Variants in SCMH1 observed in about 807,000 individuals in gnomAD.
SCMH1 encodes Scm polycomb group protein homolog 1.
Under a neutral mutation model 70.8 loss-of-function variants are expected in SCMH1, and 37 were observed. That is an observed-to-expected ratio of 0.52 (90% CI 0.40 to 0.69). The LOEUF is 0.69. Among genes scored for constraint, SCMH1 ranks in the 30% least tolerant of loss-of-function variants. The pLI is 0.00. For missense variants in SCMH1, 607 were observed against 827.3 expected (o/e 0.73, Z 3.27); for synonymous variants, 292 against 307.4 (o/e 0.95, Z 0.52).
intron 7 of SCMH1, among the ~76,000 whole-genome samples, chr1:41,115,726 G>A (rs1288915664): frequency 5.3e-5 from 8 of 152,162 alleles, no homozygotes; most frequent in African/African-American, 1.7e-4. Flanking sequence ...CGTGATTTCC[G>A]TATAGTTTAT....
At chr1:41,161,416 A>T in exon 3 of SCMH1, 1 of 1,550,606 alleles carries the variant, frequency 6.4e-7, no homozygotes, top group Non-Finnish European at 8.7e-7. Flanking sequence ...GTTTTCTAAC[A>T]TCACTCCAGT....
At chr1:41,157,066 C>T (rs115494111) in intron 4 of SCMH1, among the ~76,000 whole-genome samples, 244 of 151,436 alleles carry the variant, frequency 1.6e-3, no homozygotes, top group Non-Finnish European at 2.4e-3. Context: ...CAACCCTCCC[C>T]GCTCAGTCTC....
At chr1:41,178,561 C>CA (rs778281619) in intron 2 of SCMH1, among the ~76,000 whole-genome samples, 1 of 151,708 alleles carries the variant, frequency 6.6e-6, no homozygotes, top group South Asian at 2.1e-4. Context: ...AAATGAAAAA[C>CA]AAAAAAAGGC....
intron 1 of SCMH1, among the ~76,000 whole-genome samples, chr1:41,219,926 G>T (rs111578964): frequency 6.9e-6 from 1 of 145,298 alleles, no homozygotes; most frequent in East Asian, 2.0e-4. Context: ...GCAAGACTCC[G>T]TCTCACAAAA....
chr1:41,028,429 A>G (rs1382860014), intron 14 of SCMH1, 110 bp from the exon 16 acceptor site: 3 of 1,521,744 alleles, frequency 2.0e-6, no homozygotes, highest in South Asian at 2.5e-5. Context: ...TGCCCGCCAC[A>G]TGGAGTCCAG....
At chr1:41,177,380 G>T (rs200771191) in intron 2 of SCMH1, among the ~76,000 whole-genome samples, 1 of 151,534 alleles carries the variant, frequency 6.6e-6, no homozygotes, top group Non-Finnish European at 1.5e-5. Flanking sequence ...ATGGAACAAA[G>T]CTGGACAGAG....
At chr1:41,058,668 C>T (rs1651479817) in intron 10 of SCMH1, among the ~76,000 whole-genome samples, 1 of 152,100 alleles carries the variant, frequency 6.6e-6, no homozygotes, top group African/African-American at 2.4e-5. Flanking sequence ...GTGTGAGCCA[C>T]CATGCTCGGC....
intron 6 of SCMH1, among the ~76,000 whole-genome samples, chr1:41,123,979 A>G (rs1672555120): frequency 6.6e-6 from 1 of 152,228 alleles, no homozygotes; most frequent in Non-Finnish European, 1.5e-5. Flanking sequence ...CTTCTGATTC[A>G]GCAACTCTAG....
At chr1:41,208,178 A>G (rs1656029483) in intron 1 of SCMH1, among the ~76,000 whole-genome samples, 1 of 112,450 alleles carries the variant, frequency 8.9e-6, no homozygotes, top group Non-Finnish European at 1.8e-5. Flanking sequence ...TCGCAAGAAC[A>G]AAAAACCAAA....
Position 41,090,944 on chromosome 1 carries a change from C to T in SCMH1, c.746-15493G>A, listed in dbSNP as rs1296034667. Among the ~76,000 whole-genome samples, 7 of 150,522 alleles carry T rather than the reference C, an allele frequency of 4.7e-5. No homozygotes were observed. The East Asian group carries it at 1.4e-3, about 29-fold the overall frequency. ...GTCGCAGCTACTTGGGAGGCTGAGGCAGGAGAATGGTGTGAACCTGGGAGG... is the reference window on the plus strand; with the variant it reads ...GTCGCAGCTACTTGGGAGGCTGAGGTAGGAGAATGGTGTGAACCTGGGAGG... On this transcript the variant is annotated intron_variant, in intron 8 of 14. Coordinates refer to ENST00000337495, the Ensembl canonical transcript of SCMH1.
chr1:41,240,319 T>C (rs1418452598), intron 1 of SCMH1, among the ~76,000 whole-genome samples: 1 of 152,224 alleles, frequency 6.6e-6, no homozygotes, highest in Non-Finnish European at 1.5e-5. Context: ...GCCTTTTATC[T>C]ACAAGGCCAT....
At chr1:41,225,960 G>A (rs1660199903) in intron 1 of SCMH1, among the ~76,000 whole-genome samples, 1 of 152,174 alleles carries the variant, frequency 6.6e-6, no homozygotes. Flanking sequence ...TGAAAGGGGA[G>A]CAAGGAGGCA....
intron 2 of SCMH1, among the ~76,000 whole-genome samples, chr1:41,179,688 C>G (rs1648127399): frequency 6.6e-6 from 1 of 152,140 alleles, no homozygotes; most frequent in African/African-American, 2.4e-5. Flanking sequence ...TCTGAATAGA[C>G]CAATAACAGG....
intron 1 of SCMH1, among the ~76,000 whole-genome samples, chr1:41,240,092 A>C (rs1221810858): frequency 6.6e-6 from 1 of 152,246 alleles, no homozygotes; most frequent in African/African-American, 2.4e-5. Context: ...ATGTTTACCC[A>C]ACTTACATAA....
chr1:41,083,715 A>C (rs1212697071), intron 8 of SCMH1, among the ~76,000 whole-genome samples: 1 of 152,190 alleles, frequency 6.6e-6, no homozygotes, highest in Non-Finnish European at 1.5e-5. Context: ...ACGCTACCTG[A>C]CTTCAAACAA....
chr1:41,233,634 C>T (rs1371214638), intron 1 of SCMH1, among the ~76,000 whole-genome samples: 1 of 152,162 alleles, frequency 6.6e-6, no homozygotes, highest in African/African-American at 2.4e-5. Flanking sequence ...ATATCTCTAT[C>T]ATCCCGGTAT....
chr1:41,038,341 T>C (rs1645603716), intron 12 of SCMH1, among the ~76,000 whole-genome samples: 1 of 152,222 alleles, frequency 6.6e-6, no homozygotes, highest in Admixed American at 6.5e-5. Flanking sequence ...AGATTCCTCA[T>C]GACTGGGTTC....
intron 1 of SCMH1, among the ~76,000 whole-genome samples, chr1:41,211,317 C>A (rs1268012489): frequency 6.6e-6 from 1 of 152,070 alleles, no homozygotes; most frequent in East Asian, 1.9e-4. Flanking sequence ...AACAAATTTA[C>A]AAGAAAAAAA....
intron 1 of SCMH1, among the ~76,000 whole-genome samples, chr1:41,241,225 A>T (rs1305905439): frequency 3.3e-5 from 5 of 152,202 alleles, no homozygotes; most frequent in African/African-American, 4.8e-5. Flanking sequence ...GATGGGAGAA[A>T]GCGCCCCTAG....
Sources: allele counts gnomAD v4.1 joint callset (sites outside exome capture counted in the v4.1 genomes callset), GRCh38; gene constraint gnomAD v4.1.1; transcripts MANE v1.5; gene names NCBI Gene and HGNC (gene_info 2026-07-23, HGNC 2026-07-21).